Variants in EXT1 observed in about 807,000 individuals in gnomAD.
The protein encoded by EXT1 is exostosin-1.
In EXT1, 20 loss-of-function variants were observed where a neutral mutation model predicts 82.5. The observed-to-expected ratio is 0.24, with a 90% CI of 0.17 to 0.35. The LOEUF is 0.35. Among genes scored for constraint, EXT1 ranks in the 10% least tolerant of loss-of-function variants. EXT1 has a pLI of 1.00. For missense variants in EXT1, 757 were observed against 936.5 expected, an observed-to-expected ratio of 0.81 and a Z score of 2.50; for synonymous variants, 348 against 350.8, an observed-to-expected ratio of 0.99 and a Z score of 0.09.
chr8:117,809,242 T>TATATATATATATATATATATATATATA (rs796605483), intron 8 of EXT1, among the ~76,000 whole-genome samples: 2 of 141,214 alleles, frequency 1.4e-5, no homozygotes, highest in South Asian at 2.2e-4. Flanking sequence ...TATATATATA[T>TATATATATATATATATATATATATATA]ATTATGTTCT....
chr8:118,030,860 A>G (rs1816302155), intron 1 of EXT1, among the ~76,000 whole-genome samples: 1 of 152,170 alleles, frequency 6.6e-6, no homozygotes, highest in South Asian at 2.1e-4. Flanking sequence ...CTTCCAAAGG[A>G]AAGAGGAGGA....
At chr8:117,870,823 T>TCGCACACACACA (rs150568638) in intron 1 of EXT1, among the ~76,000 whole-genome samples, 1 of 146,774 alleles carries the variant, frequency 6.8e-6, no homozygotes, top group African/African-American at 2.6e-5. Flanking sequence ...AAATGCTTTG[T>TCGCACACACACA]CACACACACA....
chr8:117,803,277 C>T (rs112240179), intron 10 of EXT1, among the ~76,000 whole-genome samples: 3,592 of 152,170 alleles, frequency 0.024, 147 homozygotes, highest in African/African-American at 0.08. Flanking sequence ...CCACTGCAAC[C>T]TCTGCCTTCC....
chr8:118,087,009 G>A lies in EXT1; in HGVS notation c.962+23076C>T, dbSNP rs971986387. 3.3e-5 allele frequency among the ~76,000 whole-genome samples: 5 copies of A among 152,088 alleles called. No individual in the cohort carries two copies. In the South Asian group the frequency reaches 6.2e-4, roughly 19 times the overall value. On this transcript the variant is annotated intron_variant, in intron 1 of 10. Transcript: ENST00000378204. ...TAAAACTGTCACCATGAAATACTGC[G>A]CTGCATGATTCTGTTACTGCTTCTT...
intron 3 of EXT1, among the ~76,000 whole-genome samples, chr8:117,834,052 G>A (rs1420418375): frequency 1.3e-5 from 2 of 152,150 alleles, no homozygotes; most frequent in African/African-American, 4.8e-5. Flanking sequence ...AAATTAAGTT[G>A]TATTCAGGGC....
chr8:117,853,793 T>C (rs767790185), intron 1 of EXT1, among the ~76,000 whole-genome samples: 9 of 152,230 alleles, frequency 5.9e-5, no homozygotes, highest in Admixed American at 2.0e-4. Flanking sequence ...ATTTTGATGG[T>C]AATTAAAAGC....
At chr8:118,085,449 TTTTG>T (rs1010945300) in intron 1 of EXT1, among the ~76,000 whole-genome samples, 2 of 151,706 alleles carry the variant, frequency 1.3e-5, no homozygotes, top group Non-Finnish European at 2.9e-5. Flanking sequence ...TAAAGGGTTG[TTTTG>T]TTTGTTTGTT....
At chr8:118,109,851 C>T (rs901268834) in intron 1 of EXT1, among the ~76,000 whole-genome samples, 17 of 152,174 alleles carry the variant, frequency 1.1e-4, no homozygotes, top group Admixed American at 9.8e-4. Flanking sequence ...GAGATACTGT[C>T]ACCTACTTGG....
chr8:118,094,643 T>C (rs1049000913), intron 1 of EXT1, among the ~76,000 whole-genome samples: 1 of 152,230 alleles, frequency 6.6e-6, no homozygotes, highest in African/African-American at 2.4e-5. Flanking sequence ...CCCTATGAAG[T>C]TGAAATTGTT....
intron 1 of EXT1, among the ~76,000 whole-genome samples, chr8:118,076,040 A>T (rs1298048551): frequency 4.6e-5 from 7 of 152,242 alleles, no homozygotes; most frequent in African/African-American, 1.7e-4. Flanking sequence ...GATAGGGAGT[A>T]GATTTATATA....
intron 1 of EXT1, among the ~76,000 whole-genome samples, chr8:117,848,643 C>T (rs1812404813): frequency 6.6e-6 from 1 of 152,080 alleles, no homozygotes; most frequent in Admixed American, 6.5e-5. Flanking sequence ...ACTGGGACGC[C>T]ATGAAGCAAG....
intron 1 of EXT1, among the ~76,000 whole-genome samples, chr8:117,939,652 GATAACT>G (rs1341430853): frequency 6.6e-6 from 1 of 151,922 alleles, no homozygotes; most frequent in African/African-American, 2.4e-5. Context: ...TCCCACAACT[GATAACT>G]AATGGAGCTG....
intron 1 of EXT1, among the ~76,000 whole-genome samples, chr8:117,863,411 G>GT (rs10624775): frequency 0.4 from 52,549 of 132,038 alleles, 11,647 homozygotes; most frequent in African/African-American, 0.58. Context: ...CTAAGTCTAG[G>GT]TTTTTTTTTT....
At chr8:118,025,692 A>AG (rs1816189820) in intron 1 of EXT1, among the ~76,000 whole-genome samples, 1 of 152,184 alleles carries the variant, frequency 6.6e-6, no homozygotes, top group Non-Finnish European at 1.5e-5. Flanking sequence ...CCTCCGGCAA[A>AG]GCGGTTTTAG....
rs191550540 is a variant in EXT1, at chr8:118,111,067, G to C, written c.-21C>G. The C allele has an allele frequency of 3.2e-6, 5 of 1,574,290 alleles. No individual in the cohort carries two copies. Among genetic ancestry groups the C allele is most frequent in the African/African-American group, 2.7e-5 (2 of 74,354 alleles). ...TGCATGTGTCCTGCCTGGGTCAAGAGGATTGTAAATAAACACAAGAATCAC... is the reference window on the plus strand; with the variant it reads ...TGCATGTGTCCTGCCTGGGTCAAGACGATTGTAAATAAACACAAGAATCAC... On this transcript the variant is annotated 5_prime_UTR_variant, in exon 1 of 11. Transcript: ENST00000378204.
At chr8:118,064,011 C>A (rs1355215967) in intron 1 of EXT1, among the ~76,000 whole-genome samples, 1 of 152,046 alleles carries the variant, frequency 6.6e-6, no homozygotes, top group Non-Finnish European at 1.5e-5. Context: ...GTATTATAGA[C>A]ATGTGCCACC....
At chr8:118,027,332 C>A (rs903605599) in intron 1 of EXT1, among the ~76,000 whole-genome samples, 1 of 151,606 alleles carries the variant, frequency 6.6e-6, no homozygotes, top group Admixed American at 6.6e-5. Context: ...CACACACACA[C>A]ACACACACAC....
chr8:117,889,150 T>C (rs1023683312), intron 1 of EXT1, among the ~76,000 whole-genome samples: 3 of 152,140 alleles, frequency 2.0e-5, no homozygotes, highest in Admixed American at 2.0e-4. Context: ...GCATGTAAGA[T>C]ATGTGTTTAA....
chr8:117,861,517 T>TCAA (rs1365534881), intron 1 of EXT1, among the ~76,000 whole-genome samples: 1 of 118,070 alleles, frequency 8.5e-6, no homozygotes, highest in Non-Finnish European at 1.8e-5. Context: ...TTTTTTGAGA[T>TCAA]AGAGTCTTGC....
Sources: allele counts gnomAD v4.1 joint callset (sites outside exome capture counted in the v4.1 genomes callset), GRCh38; gene constraint gnomAD v4.1.1; transcripts MANE v1.5; gene names NCBI Gene and HGNC (gene_info 2026-07-23, HGNC 2026-07-21).